The following PKHD1L1 variants were observed in gnomAD, a reference collection of about 807,000 sequenced individuals.
PKHD1L1 encodes PKHD1 like 1.
PKHD1L1 carries 434 observed loss-of-function variants against 462.9 expected under a neutral mutation model. The observed-to-expected ratio is 0.94, with a 90% CI of 0.87 to 1.02. The LOEUF (loss-of-function observed/expected upper bound fraction) is 1.02. Ranked by LOEUF, PKHD1L1 falls within the 50% of genes least tolerant of loss-of-function variation. The probability of loss-of-function intolerance (pLI) is 0.00; values close to 1 mark genes in which losing one functional copy is unlikely to be tolerated. For synonymous variants in PKHD1L1, 1,781 were observed against 1,750.0 expected (o/e 1.02, Z -0.44); for missense variants, 5,202 against 5,096.1 (o/e 1.02, Z -0.63).
intron 16 of PKHD1L1, among the ~76,000 whole-genome samples, chr8:109,405,443 C>T (rs1380800486): frequency 6.6e-6 from 1 of 151,912 alleles, no homozygotes; most frequent in Non-Finnish European, 1.5e-5. Flanking sequence ...AATAGTCAAC[C>T]CAAATGCCCG....
chr8:109,511,383 C>T (rs1429708023), intron 71 of PKHD1L1, among the ~76,000 whole-genome samples: 2 of 133,334 alleles, frequency 1.5e-5, no homozygotes, highest in Non-Finnish European at 3.1e-5. Flanking sequence ...TGTGATGTTC[C>T]CCTTCCTGTG....
At chr8:109,462,293 A>C (rs1237566770) in intron 48 of PKHD1L1, among the ~76,000 whole-genome samples, 1 of 152,002 alleles carries the variant, frequency 6.6e-6, no homozygotes, top group Non-Finnish European at 1.5e-5. Context: ...GTCAAAGTAA[A>C]ATTTTAAAAC....
At chr8:109,438,612 TTTA>T (rs1815579412) in intron 31 of PKHD1L1, among the ~76,000 whole-genome samples, 156 bp downstream of exon 31, 3 of 152,156 alleles carry the variant, frequency 2.0e-5, no homozygotes, top group Admixed American at 2.0e-4. Flanking sequence ...GATTAATCTA[TTTA>T]TTATTTTATA....
rs117640596 is a variant in PKHD1L1 at position 109,522,423 on chromosome 8, T to G, written c.12183+86T>G. 5.3e-6 allele frequency: 7 copies of G among 1,333,268 alleles called. No homozygotes were observed. The African/African-American group carries it at 1.1e-4, about 20-fold the overall frequency. 82.6% of individuals were successfully genotyped at this position (1,333,268 alleles called of 1,614,324 possible). Reference sequence around the variant, plus strand: ...CTTATTTTAACTCTCTGTTTCTATTTCAAAACAATAATTTAGCAGGCATGT... The same window carrying G: ...CTTATTTTAACTCTCTGTTTCTATTGCAAAACAATAATTTAGCAGGCATGT... On this transcript the variant is annotated intron_variant, in intron 74 of 77. Transcript: ENST00000378402.
At chr8:109,424,564 T>G (rs972944679) in intron 23 of PKHD1L1, among the ~76,000 whole-genome samples, 9 of 152,210 alleles carry the variant, frequency 5.9e-5, no homozygotes, top group African/African-American at 2.2e-4. Context: ...TCTACAGCAT[T>G]TGCTGCTTCT....
rs190865901 is a variant in PKHD1L1 at position 109,429,435 on chromosome 8, A to G, written c.3096A>G (p.Leu1032=). ...GLFRQHVLGD[L]LRTPSQQPQV... ...TCAGACAACATGTACTTGGAGACCT[A>G]CTTCGTACACCCAGTCAACAGCCAC... Residue 1032 remains leucine (L), a synonymous_variant, in exon 26 of 78, where the codon CTA becomes CTG. Coordinates refer to ENST00000378402, the MANE Select transcript of PKHD1L1 (RefSeq NM_177531.6). 372 of 1,608,306 alleles carry G rather than the reference A, an allele frequency of 2.3e-4. No individual in the cohort carries two copies. The highest frequency in any genetic ancestry group is 3.0e-4 in the Non-Finnish European group (356 of 1,176,954).
intron 2 of PKHD1L1, among the ~76,000 whole-genome samples, chr8:109,370,764 T>G (rs1811463744): frequency 6.6e-6 from 1 of 152,144 alleles, no homozygotes; most frequent in Non-Finnish European, 1.5e-5. Context: ...TGGTGTTTGG[T>G]TTTTTGTCCT....
At chr8:109,507,192 T>C (rs1819733892) in intron 68 of PKHD1L1, among the ~76,000 whole-genome samples, 2 of 152,136 alleles carry the variant, frequency 1.3e-5, no homozygotes, top group East Asian at 3.8e-4. Context: ...AATAAATCTT[T>C]ATATTATTTT....
chr8:109,408,294 TG>T, intron 18 of PKHD1L1, 88 bp downstream of exon 18: 2 of 1,233,654 alleles, frequency 1.6e-6, no homozygotes. Flanking sequence ...GGGAAAGAGA[TG>T]TTACTTCAAA....
In PKHD1L1 at chr8:109,409,979, G is replaced by C. The variant is rs1813752640; in HGVS notation, c.2085+1G>C. ...AGACTATGAAACTGATTTTAATCTG[G>C]TATGAAATATTTAATGAACTGTGAA... On this transcript the variant is annotated splice_donor_variant, in intron 19 of 77. Transcript: ENST00000378402. LOFTEE classifies it high-confidence loss of function. The C allele has an allele frequency of 6.7e-7, 1 of 1,483,610 alleles. No homozygotes were observed. The highest frequency in any genetic ancestry group is 9.2e-7 in the Non-Finnish European group (1 of 1,084,298). The allele number at this position is 1,483,610 out of a possible 1,614,324, so 91.9% of individuals were successfully genotyped here. A position where few individuals can be genotyped will look rare whatever the true frequency, so the allele number is the denominator to read the frequency against.
chr8:109,454,082 A>C (rs1392344329), intron 43 of PKHD1L1, 85 bp from the exon 44 acceptor site: 2 of 717,440 alleles, frequency 2.8e-6, no homozygotes, highest in Admixed American at 6.2e-5. Context: ...TTTAATAATT[A>C]TGTTAAATTG....
chr8:109,536,159 T>C lies in PKHD1L1; in HGVS notation c.*6069T>C, dbSNP rs1306592923. 1.3e-5 allele frequency among the ~76,000 whole-genome samples: 2 copies of C among 152,238 alleles called. No homozygotes were observed. The highest frequency in any genetic ancestry group is 2.9e-5 in the Non-Finnish European group (2 of 68,036). ...CCATGTTGTGAGCTAAAGGGGATTGTACTGATCTTGAAGATAACAAATCTG... is the reference window on the plus strand; with the variant it reads ...CCATGTTGTGAGCTAAAGGGGATTGCACTGATCTTGAAGATAACAAATCTG... On this transcript the variant is annotated 3_prime_UTR_variant, in exon 78 of 78. Transcript: ENST00000378402.
At position 109,438,897 on chromosome 8, in the gene PKHD1L1, G is replaced by A; in HGVS notation, c.3761G>A (p.Gly1254Glu). The A allele has an allele frequency of 2.5e-6, 4 of 1,588,040 alleles. No homozygotes were observed. Among genetic ancestry groups the A allele is most frequent in the South Asian group, 1.1e-5 (1 of 87,084 alleles). ...DFSPKVRTIL[G>E]EVNLTIKGYN... is the part of the protein sequence containing the mutation. ...TATTTTTTAAATTTTAAAATACCAG[G>A]AGAAGTTAATTTAACAATTAAGGGC... The change falls in exon 32 of 78, where the codon GGA (glycine) becomes GAA (glutamate). Residue 1254 changes from glycine (G) to glutamate (E), a missense_variant and splice_region_variant. Around this residue, in one of 3 missense-constraint regions of PKHD1L1, gnomAD observed 4,497 missense variants for 4,336.8 expected, o/e 1.04. Coordinates refer to ENST00000378402, the MANE Select transcript of PKHD1L1 (RefSeq NM_177531.6).
In PKHD1L1 at chr8:109,452,822, G is replaced by A; in HGVS notation, c.6612G>A (p.Gln2204=). ...EGSLVVITKG[Q]TILLDQSTPI... ...CTCTTGTTGTTATTACAAAAGGACA[G>A]ACCATTCTGCTGGATCAAAGCACCC... The change falls in exon 43 of 78, where the codon CAG becomes CAA. Residue 2204 remains glutamine (Q), a synonymous_variant. Transcript: ENST00000378402. The A allele has an allele frequency of 6.5e-7, 1 of 1,534,760 alleles. No homozygotes were observed. Among genetic ancestry groups the A allele is most frequent in the Non-Finnish European group, 8.7e-7 (1 of 1,143,938 alleles).
chr8:109,510,180 C>G (rs188058314), intron 70 of PKHD1L1, among the ~76,000 whole-genome samples: 1 of 152,004 alleles, frequency 6.6e-6, no homozygotes, highest in Non-Finnish European at 1.5e-5. Flanking sequence ...CTTGATTAGA[C>G]GAATGTGTTT....
intron 2 of PKHD1L1, among the ~76,000 whole-genome samples, chr8:109,365,846 C>A (rs1227897024): frequency 6.6e-6 from 1 of 152,108 alleles, no homozygotes; most frequent in African/African-American, 2.4e-5. Context: ...TGGTGGCGCG[C>A]GCCTGTAGTC....
In PKHD1L1 at chr8:109,508,186, A is replaced by G; in HGVS notation, c.11317A>G (p.Ser3773Gly). The G allele has an allele frequency of 6.2e-7, 1 of 1,613,386 alleles. No individual in the cohort carries two copies. Among genetic ancestry groups the G allele is most frequent in the Non-Finnish European group, 8.5e-7 (1 of 1,179,474 alleles). The stretch of plus-strand genomic sequence containing the variant: ...GGAATATGCAATGATGGTTATTGAA[A>G]GTCTGGATCCTGACACAGAAACTCG... Reference protein sequence around the residue: ...GMEYAMMVIESLDPDTETRRL... With the variant: ...GMEYAMMVIEGLDPDTETRRL... Residue 3773 changes from serine (S) to glycine (G), a missense_variant, in exon 70 of 78, where the codon AGT becomes GGT. Around this residue, in one of 3 missense-constraint regions of PKHD1L1, gnomAD observed 698 missense variants for 736.3 expected, o/e 0.95. Coordinates refer to ENST00000378402, the MANE Select transcript of PKHD1L1 (RefSeq NM_177531.6).
At chr8:109,496,184 G>A (rs1045483120) in intron 63 of PKHD1L1, among the ~76,000 whole-genome samples, 7 of 152,136 alleles carry the variant, frequency 4.6e-5, no homozygotes, top group African/African-American at 1.7e-4. Context: ...GAATGAGCTA[G>A]GTGCAATGTC....
At chr8:109,379,567 A>T (rs1410503532) in intron 2 of PKHD1L1, among the ~76,000 whole-genome samples, 1 of 152,170 alleles carries the variant, frequency 6.6e-6, no homozygotes, top group Non-Finnish European at 1.5e-5. Context: ...GCATTGAACC[A>T]GTGGCAGACA....
Sources: allele counts gnomAD v4.1 joint callset (sites outside exome capture counted in the v4.1 genomes callset), GRCh38; gene constraint gnomAD v4.1.1; regional missense constraint gnomAD v4.1.1; transcripts MANE v1.5; gene names NCBI Gene and HGNC (gene_info 2026-07-23, HGNC 2026-07-21).